VTI1A: variants seen among roughly 807,000 people sequenced by gnomAD.
VTI1A encodes vesicle transport through interaction with t-SNAREs homolog 1A.
VTI1A carries 22 observed loss-of-function variants against 34.9 expected under a neutral mutation model. The observed-to-expected ratio is 0.63, with a 90% CI of 0.45 to 0.90. The LOEUF (loss-of-function observed/expected upper bound fraction) is 0.90. VTI1A is among the 40% of genes least tolerant of loss of function. VTI1A has a pLI of 0.00. For synonymous variants in VTI1A, 87 were observed against 97.3 expected, an observed-to-expected ratio of 0.89 and a Z score of 0.62; for missense variants, 268 against 275.6, an observed-to-expected ratio of 0.97 and a Z score of 0.20.
At chr10:112,598,611 C>T (rs531183887) in intron 5 of VTI1A, among the ~76,000 whole-genome samples, 223 of 152,314 alleles carry the variant, frequency 1.5e-3, no homozygotes, top group African/African-American at 5.1e-3. Context: ...GTGGCGTTCC[C>T]TACCTTGGAT....
chr10:112,525,660 ATTT>A (rs1430410646), intron 3 of VTI1A, among the ~76,000 whole-genome samples: 1 of 152,150 alleles, frequency 6.6e-6, no homozygotes, highest in African/African-American at 2.4e-5. Context: ...AATGAACTAA[ATTT>A]TTTTCTTATG....
At chr10:112,542,023 C>G (rs74158737) in intron 5 of VTI1A, among the ~76,000 whole-genome samples, 6,157 of 152,026 alleles carry the variant, frequency 0.04, 421 homozygotes, top group African/African-American at 0.14. Context: ...TATTAATAGT[C>G]AGATATGACT....
intron 5 of VTI1A, among the ~76,000 whole-genome samples, chr10:112,590,214 T>C (rs1042395570): frequency 1.3e-5 from 2 of 152,204 alleles, no homozygotes; most frequent in Non-Finnish European, 2.9e-5. Flanking sequence ...AAGAAAATTT[T>C]ATTACTCAGA....
intron 7 of VTI1A, among the ~76,000 whole-genome samples, chr10:112,762,730 A>G (rs1851511847): frequency 6.6e-6 from 1 of 152,160 alleles, no homozygotes; most frequent in Non-Finnish European, 1.5e-5. Flanking sequence ...ATATGAGGCT[A>G]TCACCACTGC....
chr10:112,730,106 T>C (rs1242734314), intron 7 of VTI1A, among the ~76,000 whole-genome samples: 1 of 152,268 alleles, frequency 6.6e-6, no homozygotes, highest in African/African-American at 2.4e-5. Flanking sequence ...TGGAAAATTA[T>C]GCTGGCCTTT....
intron 7 of VTI1A, among the ~76,000 whole-genome samples, chr10:112,766,882 G>T (rs1851665737): frequency 6.6e-6 from 1 of 152,194 alleles, no homozygotes; most frequent in Non-Finnish European, 1.5e-5. Context: ...TGGAAGCTAA[G>T]GATTTCTTCA....
the VTI1A span, among the ~76,000 whole-genome samples, chr10:112,840,384 C>G: frequency 6.6e-6 from 1 of 152,178 alleles, no homozygotes; most frequent in Non-Finnish European, 1.5e-5. Flanking sequence ...CCACTCAGGG[C>G]ACACCGAAGG....
chr10:112,853,743 G>A, the VTI1A span, among the ~76,000 whole-genome samples: 1 of 152,124 alleles, frequency 6.6e-6, no homozygotes, highest in African/African-American at 2.4e-5. Context: ...AACAAAACTT[G>A]CCAAAAACTC....
chr10:112,845,756 G>A, the VTI1A span, among the ~76,000 whole-genome samples: 12 of 152,300 alleles, frequency 7.9e-5, no homozygotes, highest in Admixed American at 4.6e-4. Context: ...GGTGGCTCAC[G>A]CCTGTAATCC....
chr10:112,566,885 A>G (rs1045655967), intron 5 of VTI1A, among the ~76,000 whole-genome samples: 1 of 152,102 alleles, frequency 6.6e-6, no homozygotes, highest in Non-Finnish European at 1.5e-5. Context: ...GTCTTTCCCA[A>G]TGTTTATATT....
At chr10:112,621,181 G>A (rs1043141751) in intron 5 of VTI1A, among the ~76,000 whole-genome samples, 1 of 152,208 alleles carries the variant, frequency 6.6e-6, no homozygotes, top group African/African-American at 2.4e-5. Context: ...CCTAAAGTGT[G>A]TTTCGCTGCA....
At chr10:112,670,549 T>G (rs904760884) in intron 7 of VTI1A, among the ~76,000 whole-genome samples, 1 of 152,254 alleles carries the variant, frequency 6.6e-6, no homozygotes, top group East Asian at 1.9e-4. Flanking sequence ...CACCCTTTAG[T>G]GCGGGACACT....
intron 1 of VTI1A, among the ~76,000 whole-genome samples, chr10:112,455,494 CCTT>C (rs1344237401): frequency 1.6e-5 from 1 of 61,748 alleles, no homozygotes; most frequent in Non-Finnish European, 3.0e-5. Context: ...CTCCCTCCCT[CCTT>C]CTCTCCTTCC....
chr10:112,581,237 T>C (rs1843923679), intron 5 of VTI1A, among the ~76,000 whole-genome samples: 1 of 152,226 alleles, frequency 6.6e-6, no homozygotes, highest in Non-Finnish European at 1.5e-5. Flanking sequence ...TCTCTCTGCA[T>C]AGCCCTTTCT....
At chr10:112,819,284 C>G (rs1462839269), downstream of VTI1A, among the ~76,000 whole-genome samples, 1 of 152,156 alleles carries the variant, frequency 6.6e-6, no homozygotes, top group African/African-American at 2.4e-5. Context: ...CCTAGTGAGG[C>G]ACTCCATGCT....
intron 7 of VTI1A, among the ~76,000 whole-genome samples, chr10:112,706,113 A>G (rs7897837): frequency 0.2 from 30,136 of 152,106 alleles, 6,530 homozygotes; most frequent in African/African-American, 0.53. Context: ...ATATTTGAAA[A>G]TGACTACAAA....
downstream of VTI1A, among the ~76,000 whole-genome samples, chr10:112,819,793 G>T (rs933079558): frequency 1.7e-4 from 26 of 152,174 alleles, no homozygotes; most frequent in African/African-American, 6.0e-4. Context: ...TGCTGTCTAT[G>T]TCTGCTCAGC....
At chr10:112,717,794 C>T (rs767826586) in intron 7 of VTI1A, among the ~76,000 whole-genome samples, 2 of 152,138 alleles carry the variant, frequency 1.3e-5, no homozygotes, top group Non-Finnish European at 2.9e-5. Context: ...ACACATACCC[C>T]ACTCTTTGAT....
chr10:112,658,469 A>G (rs947989314), intron 5 of VTI1A, among the ~76,000 whole-genome samples: 2 of 152,200 alleles, frequency 1.3e-5, no homozygotes, highest in Non-Finnish European at 2.9e-5. Context: ...GGACTTGACC[A>G]TATTTTTAAG....
Sources: allele counts gnomAD v4.1 joint callset (sites outside exome capture counted in the v4.1 genomes callset), GRCh38; gene constraint gnomAD v4.1.1; transcripts MANE v1.5; gene names NCBI Gene and HGNC (gene_info 2026-07-23, HGNC 2026-07-21).